The following RAB33A variants were observed in gnomAD, a reference collection of about 807,000 sequenced individuals.
RAB33A encodes the protein ras-related protein Rab-33A.
In RAB33A, 6 loss-of-function variants were observed where a neutral mutation model predicts 12.0. The ratio of observed to expected loss-of-function variants is 0.50; its 90% confidence interval spans 0.27 to 0.99. The LOEUF is 0.99. RAB33A is among the 50% of genes least tolerant of loss of function. The probability of loss-of-function intolerance (pLI) is 0.11; values close to 1 mark genes in which losing one functional copy is unlikely to be tolerated. For missense variants in RAB33A, 109 were observed against 192.0 expected (o/e 0.57, Z 2.55); for synonymous variants, 70 against 82.4 (o/e 0.85, Z 0.81).
At chrX:130,130,295 T>C in the RAB33A span, 4 of 743,058 alleles carry the variant, frequency 5.4e-6, no homozygotes, top group Non-Finnish European at 8.0e-6. Context: ...AGGATTTATT[T>C]CTCTATGCCC....
the RAB33A span, among the ~76,000 whole-genome samples, chrX:130,166,316 A>G: frequency 9.0e-6 from 1 of 111,363 alleles, no homozygotes; most frequent in African/African-American, 3.3e-5. Flanking sequence ...TTCCTGGACA[A>G]GTAATTCTGC....
the RAB33A span, among the ~76,000 whole-genome samples, chrX:130,128,433 G>A: frequency 1.8e-5 from 2 of 111,151 alleles, no homozygotes; most frequent in African/African-American, 3.3e-5. Context: ...TTAGCCAGGC[G>A]TGGTGGCGCA....
chrX:130,138,464 C>CAA, the RAB33A span: 2 of 521,648 alleles, frequency 3.8e-6, no homozygotes. Context: ...GACTCCATCT[C>CAA]AAAAAAAAAT....
intron 1 of RAB33A, among the ~76,000 whole-genome samples, chrX:130,174,941 T>A (rs763007159): frequency 2.7e-5 from 3 of 111,006 alleles, no homozygotes; most frequent in Non-Finnish European, 5.7e-5. Context: ...CATTTACAAT[T>A]GAGTCCTGAT....
chrX:130,128,341 G>A, the RAB33A span, among the ~76,000 whole-genome samples: 1 of 111,527 alleles, frequency 9.0e-6, no homozygotes, highest in Admixed American at 9.6e-5. Flanking sequence ...GGGAGGCCGA[G>A]GCGGGCAGAT....
the RAB33A span, among the ~76,000 whole-genome samples, chrX:130,120,658 G>A: frequency 4.4e-5 from 5 of 112,471 alleles, no homozygotes; most frequent in Admixed American, 2.8e-4. Flanking sequence ...CCCGACCTGG[G>A]GCGCTCGGCC....
chrX:130,117,213 C>G, the RAB33A span, among the ~76,000 whole-genome samples: 2 of 111,899 alleles, frequency 1.8e-5, no homozygotes, highest in East Asian at 5.6e-4. Context: ...AAGACTCCAT[C>G]TCAAAAAAAC....
the RAB33A span, among the ~76,000 whole-genome samples, chrX:130,116,980 A>G: frequency 1.8e-5 from 2 of 112,064 alleles, no homozygotes; most frequent in South Asian, 3.6e-4. Flanking sequence ...TTGGGAGGCC[A>G]AGGTGGGCGG....
chrX:130,156,402 C>T, the RAB33A span: 15 of 1,192,465 alleles, frequency 1.3e-5, no homozygotes, highest in African/African-American at 5.3e-5. Context: ...AGAATACTAT[C>T]GAGTCTATTA....
chrX:130,158,079 A>G, the RAB33A span, among the ~76,000 whole-genome samples: 1 of 110,116 alleles, frequency 9.1e-6, no homozygotes, highest in Non-Finnish European at 1.9e-5. Flanking sequence ...CCTGACCAAC[A>G]TGGAGAAACC....
intron 1 of RAB33A, among the ~76,000 whole-genome samples, chrX:130,175,014 T>TAAC (rs1320777805): frequency 9.0e-6 from 1 of 111,243 alleles, no homozygotes; most frequent in Admixed American, 9.6e-5. Context: ...ATAATAATAA[T>TAAC]AACAACTATG....
the RAB33A span, chrX:130,137,883 A>C: frequency 5.7e-6 from 2 of 353,722 alleles, no homozygotes; most frequent in Admixed American, 7.4e-5. Context: ...ACCAACATGG[A>C]GAAACCCTGT....
Position 130,180,702 on chromosome X carries a change from C to G in RAB33A, c.259-3583C>G, listed in dbSNP as rs768196772. On this transcript the variant is annotated intron_variant, in intron 1 of 1. Coordinates refer to ENST00000257017, the MANE Select transcript of RAB33A (RefSeq NM_004794.3). ...CGATCTCCTGATCTCGTGATCCGCCCGCCTCAGCCTCCCAAAATGCTGGGA... is the reference window on the plus strand; with the variant it reads ...CGATCTCCTGATCTCGTGATCCGCCGGCCTCAGCCTCCCAAAATGCTGGGA... 1.5e-4 allele frequency among the ~76,000 whole-genome samples: 15 copies of G among 102,946 alleles called. No individual in the cohort carries two copies. The Admixed American group carries it at 1.6e-3, about 11-fold the overall frequency. 89.4% of individuals were successfully genotyped at this position (102,946 alleles called of 115,157 possible).
chrX:130,182,048 A>T (rs1339221835), intron 1 of RAB33A, among the ~76,000 whole-genome samples: 1 of 104,372 alleles, frequency 9.6e-6, no homozygotes, highest in Admixed American at 1.1e-4. Context: ...CATGCCTGTA[A>T]TCCCAGCACA....
the RAB33A span, chrX:130,165,867 C>A: frequency 2.2e-6 from 1 of 458,671 alleles, no homozygotes; most frequent in Non-Finnish European, 3.9e-6. Context: ...ACTGCGCAGG[C>A]GTAGCACTCG....
At chrX:130,111,073 G>A in the RAB33A span, among the ~76,000 whole-genome samples, 2 of 106,806 alleles carry the variant, frequency 1.9e-5, no homozygotes, top group Non-Finnish European at 3.9e-5. Flanking sequence ...GCCCCGGCCC[G>A]CCCGCCGCGG....
chrX:130,120,994 C>T, the RAB33A span, among the ~76,000 whole-genome samples: 2 of 112,809 alleles, frequency 1.8e-5, no homozygotes, highest in Non-Finnish European at 3.8e-5. Flanking sequence ...CTCCCTTCGC[C>T]GCCTCAGCCC....
At chrX:130,155,692 G>C in the RAB33A span, among the ~76,000 whole-genome samples, 1 of 111,895 alleles carries the variant, frequency 8.9e-6, no homozygotes, top group African/African-American at 3.3e-5. Context: ...AAAACAAACA[G>C]CTTCCTTCAA....
chrX:130,152,798 TGAAATCA>T, the RAB33A span, among the ~76,000 whole-genome samples: 6 of 111,830 alleles, frequency 5.4e-5, no homozygotes, highest in African/African-American at 2.0e-4. Context: ...GAAGCACTGT[TGAAATCA>T]GTGTTTTTCA....
Sources: gnomAD v4.1 joint callset for allele counts (sites outside exome capture counted in the v4.1 genomes callset) on GRCh38, gnomAD v4.1.1 for gene constraint, MANE v1.5 for transcripts, NCBI Gene and HGNC (gene_info 2026-07-23, HGNC 2026-07-21) for gene names.